PKP2: variants seen among roughly 807,000 people sequenced by gnomAD.
The protein encoded by PKP2 is plakophilin 2, also known as plakophilin-2.
In PKP2, 73 loss-of-function variants were observed where a neutral mutation model predicts 83.4. That is an observed-to-expected ratio of 0.88 (90% CI 0.72 to 1.06). The LOEUF is 1.06. PKP2 is among the 50% of genes least tolerant of loss of function. PKP2 has a pLI of 0.00. For synonymous variants in PKP2, 409 were observed against 430.4 expected, an observed-to-expected ratio of 0.95 and a Z score of 0.62; for missense variants, 966 against 1,065.4, an observed-to-expected ratio of 0.91 and a Z score of 1.30.
At chr12:32,828,958 GAT>G (rs1956470973) in intron 6 of PKP2, among the ~76,000 whole-genome samples, 2 of 151,772 alleles carry the variant, frequency 1.3e-5, no homozygotes, top group Non-Finnish European at 2.9e-5. Context: ...GTTTTTTTGA[GAT>G]AGTCTCACTC....
chr12:32,886,249 G>A (rs950634018), intron 1 of PKP2, among the ~76,000 whole-genome samples: 1 of 152,140 alleles, frequency 6.6e-6, no homozygotes, highest in East Asian at 1.9e-4. Flanking sequence ...GTAATCTCTG[G>A]CTTGCAACAG....
intron 5 of PKP2, among the ~76,000 whole-genome samples, chr12:32,844,748 A>G (rs767306853): frequency 5.9e-5 from 9 of 152,202 alleles, no homozygotes; most frequent in Non-Finnish European, 8.8e-5. Flanking sequence ...GTTAGACTAG[A>G]TGAGCAGTTT....
intron 8 of PKP2, among the ~76,000 whole-genome samples, chr12:32,822,178 C>T (rs923731005): frequency 2.6e-5 from 4 of 152,130 alleles, no homozygotes; most frequent in South Asian, 2.1e-4. Flanking sequence ...TAAAGCAGTA[C>T]GGTTCATGGG....
At chr12:32,853,413 C>A (rs200753236) in intron 4 of PKP2, among the ~76,000 whole-genome samples, 54 of 135,252 alleles carry the variant, frequency 4.0e-4, no homozygotes, top group African/African-American at 5.4e-4. Context: ...AAAAAAAAAA[C>A]CAAAATACAC....
intron 6 of PKP2, among the ~76,000 whole-genome samples, chr12:32,828,677 T>C (rs1418274682): frequency 1.3e-5 from 2 of 152,208 alleles, no homozygotes; most frequent in Admixed American, 1.3e-4. Context: ...TGTGGCTATG[T>C]GCAGGGGTGC....
intron 9 of PKP2, among the ~76,000 whole-genome samples, chr12:32,813,577 T>C (rs1485535798): frequency 1.3e-5 from 2 of 151,920 alleles, no homozygotes; most frequent in East Asian, 3.9e-4. Context: ...GCCAGGAGTT[T>C]GAGACCAGCT....
intron 4 of PKP2, among the ~76,000 whole-genome samples, chr12:32,851,181 G>A (rs1956693912): frequency 6.6e-6 from 1 of 152,170 alleles, no homozygotes. Flanking sequence ...CATTTGGGAA[G>A]TTAAGACTGA....
Position 32,802,542 on chromosome 12 carries a change from C to T in PKP2, c.2028G>A (p.Val676=), listed in dbSNP as rs1397771521. The T allele has an allele frequency of 2.5e-6, 4 of 1,614,056 alleles. No homozygotes were observed. The highest frequency in any genetic ancestry group is 3.4e-6 in the Non-Finnish European group (4 of 1,179,928). The change falls in exon 10 of 13, where the codon GTG becomes GTA. Residue 676 remains valine, a synonymous_variant. Transcript: ENST00000340811. ...TAGSGPMPTS[V]AQTVVQKESG... is the part of the protein sequence containing the mutation. ...TTTCCTTCTGGACAACTGTCTGAGC[C>T]ACTGATGTCGGCATCTGTTTTGTGA...
intron 6 of PKP2, among the ~76,000 whole-genome samples, chr12:32,835,091 T>C (rs533324679): frequency 6.6e-6 from 1 of 151,434 alleles, no homozygotes; most frequent in Non-Finnish European, 1.5e-5. Flanking sequence ...TCTTGCTCTG[T>C]TGCCCGGACT....
intron 4 of PKP2, among the ~76,000 whole-genome samples, chr12:32,865,066 T>C (rs1295421582): frequency 2.0e-5 from 3 of 152,142 alleles, no homozygotes; most frequent in Non-Finnish European, 4.4e-5. Flanking sequence ...TACTTGGGAA[T>C]AGTAAACATT....
chr12:32,792,459 G>A lies in PKP2; in HGVS notation c.2479C>T (p.Arg827Trp), dbSNP rs754873048. 9 of 1,613,754 alleles carry A rather than the reference G, an allele frequency of 5.6e-6. No homozygotes were observed. The Admixed American group carries it at 6.7e-5, about 12-fold the overall frequency. ...QFKKTDFVNS[R>W]TAKAYHSLKD ...AGGGAGTGGTAGGCTTTGGCAGTCC[G>A]GCTGTTGACAAAATCTGTCTTCTTA... The change falls in exon 13 of 13, where the codon CGG becomes TGG. Residue 827 changes from arginine (R) to tryptophan (W), a missense_variant. Arg to Trp is a moderately radical substitution (Grantham distance 101). Transcript: ENST00000340811.
chr12:32,855,773 C>CAAAAAAAAAAA (rs11431590), intron 4 of PKP2, among the ~76,000 whole-genome samples: 65 of 46,836 alleles, frequency 1.4e-3, no homozygotes, highest in African/African-American at 4.3e-3. Context: ...GACTCCATCT[C>CAAAAAAAAAAA]AAAAAAAAAA....
In PKP2 at chr12:32,878,209, C is replaced by T. The variant is rs942876582; in HGVS notation, c.671G>A (p.Gly224Asp). The T allele has an allele frequency of 1.9e-6, 3 of 1,614,184 alleles. No individual in the cohort carries two copies. Among genetic ancestry groups the T allele is most frequent in the South Asian group, 1.1e-5 (1 of 91,088 alleles). ...FDTYHRQYQH[G>D]SVSDTVFDSI... The stretch of plus-strand genomic sequence containing the variant: ...GTCAAAAACGGTGTCGCTAACAGAG[C>T]CATGCTGGTACTGTCTGTGGTATGT... The change falls in exon 3 of 13, where the codon GGC becomes GAC. Residue 224 changes from glycine (G) to aspartate (D), a missense_variant. Transcript: ENST00000340811.
At chr12:32,809,162 T>C (rs1243586624) in intron 9 of PKP2, among the ~76,000 whole-genome samples, 2 of 152,056 alleles carry the variant, frequency 1.3e-5, no homozygotes, top group Non-Finnish European at 2.9e-5. Context: ...CTCCCCTCCT[T>C]CTGGGAGCTG....
intron 4 of PKP2, among the ~76,000 whole-genome samples, chr12:32,866,763 T>C (rs940177209): frequency 6.6e-6 from 1 of 152,104 alleles, no homozygotes; most frequent in African/African-American, 2.4e-5. Flanking sequence ...GTTTAGCAGT[T>C]TCTTAAAAAG....
Position 32,877,908 on chromosome 12 carries a change from C to CGCCTGG in PKP2, c.966_971dup (p.Gln323_Ala324dup). ...GCAGATTCCCACTTCCCCCTGCGGC[C>CGCCTGG]GCCTGGCCGACAGTCAAGTGCGCTC... On this transcript the variant is annotated inframe_insertion, in exon 3 of 13. Transcript: ENST00000340811. 1 of 1,614,166 alleles carries CGCCTGG rather than the reference C, an allele frequency of 6.2e-7. No individual in the cohort carries two copies. The highest frequency in any genetic ancestry group is 8.5e-7 in the Non-Finnish European group (1 of 1,180,008).
At position 32,879,159 on chromosome 12, in the gene PKP2, G is replaced by A. The variant is rs993369249; in HGVS notation, c.224-127C>T. ...TGAAGGCCAAGAACAAGTATTAAAC[G>A]TACGTTAATGTTTTTAAATGCTAGT... On this transcript the variant is annotated intron_variant, in intron 1 of 12. Coordinates refer to ENST00000340811, the MANE Select transcript of PKP2 (RefSeq NM_001005242.3). 33 of 686,968 alleles carry A rather than the reference G, an allele frequency of 4.8e-5. No individual in the cohort carries two copies. In the Middle Eastern group the frequency reaches 3.4e-3, roughly 71 times the overall value. The allele number at this position is 686,968 out of a possible 1,614,324, so 42.6% of individuals were successfully genotyped here. A position where few individuals can be genotyped will look rare whatever the true frequency, so the allele number is the denominator to read the frequency against.
chr12:32,811,502 CT>C (rs775586578), intron 9 of PKP2, among the ~76,000 whole-genome samples: 2 of 152,174 alleles, frequency 1.3e-5, no homozygotes, highest in Non-Finnish European at 2.9e-5. Context: ...AATGCTGTGT[CT>C]TTTCTTAAAT....
At chr12:32,866,169 A>G (rs1028479649) in intron 4 of PKP2, among the ~76,000 whole-genome samples, 3 of 152,200 alleles carry the variant, frequency 2.0e-5, no homozygotes, top group Non-Finnish European at 4.4e-5. Flanking sequence ...ACAAAATTCA[A>G]TAATAAGAAA....
Sources: allele counts gnomAD v4.1 joint callset (sites outside exome capture counted in the v4.1 genomes callset), GRCh38; gene constraint gnomAD v4.1.1; transcripts MANE v1.5; gene names NCBI Gene and HGNC (gene_info 2026-07-23, HGNC 2026-07-21).